Variants in IGSF11 observed in about 807,000 individuals in gnomAD.
The protein encoded by IGSF11 is immunoglobulin superfamily member 11.
In IGSF11, 22 loss-of-function variants were observed where a neutral mutation model predicts 41.0. The observed-to-expected ratio is 0.54, with a 90% CI of 0.38 to 0.77. IGSF11 has a LOEUF of 0.77. IGSF11 is among the 30% of genes least tolerant of loss of function. The pLI, the probability that IGSF11 is intolerant of heterozygous loss-of-function variation, is 0.00. For synonymous variants in IGSF11, 219 were observed against 201.3 expected, an observed-to-expected ratio of 1.09 and a Z score of -0.74; for missense variants, 444 against 530.8, an observed-to-expected ratio of 0.84 and a Z score of 1.61.
intron 1 of IGSF11, among the ~76,000 whole-genome samples, chr3:118,989,882 G>A (rs1002537184): frequency 4.7e-4 from 72 of 152,182 alleles, no homozygotes; most frequent in African/African-American, 1.6e-3. Context: ...ATGGCCTTTC[G>A]GATTTAAGAG....
intron 1 of IGSF11, among the ~76,000 whole-genome samples, chr3:119,047,937 C>A (rs1430712313): frequency 1.3e-5 from 2 of 152,172 alleles, no homozygotes; most frequent in East Asian, 3.8e-4. Context: ...TAAAGATGTT[C>A]TTTGAAACCA....
At chr3:118,913,985 T>A (rs1406454939) in intron 4 of IGSF11, among the ~76,000 whole-genome samples, 6 of 152,086 alleles carry the variant, frequency 3.9e-5, no homozygotes, top group African/African-American at 1.2e-4. Context: ...TGAGACGAAA[T>A]ATTCACAAGG....
At chr3:118,974,640 G>A (rs1559984639) in intron 1 of IGSF11, among the ~76,000 whole-genome samples, 1 of 152,026 alleles carries the variant, frequency 6.6e-6, no homozygotes, top group Non-Finnish European at 1.5e-5. Flanking sequence ...TCCATGACTG[G>A]CTTCCCAAAA....
At chr3:119,041,266 G>A (rs193025994) in intron 1 of IGSF11, among the ~76,000 whole-genome samples, 21 of 152,172 alleles carry the variant, frequency 1.4e-4, no homozygotes, top group Middle Eastern at 3.4e-3. Flanking sequence ...TTAAAAATGA[G>A]AGAGACCTCA....
chr3:118,964,878 T>A (rs1436826590), intron 1 of IGSF11, among the ~76,000 whole-genome samples: 1 of 152,220 alleles, frequency 6.6e-6, no homozygotes, highest in Admixed American at 6.5e-5. Flanking sequence ...CAATAGTTGA[T>A]ATGGTTCAGA....
At chr3:119,109,069 G>A (rs1191254553), upstream of IGSF11, among the ~76,000 whole-genome samples, 1 of 138,450 alleles carries the variant, frequency 7.2e-6, no homozygotes, top group Non-Finnish European at 1.6e-5. Flanking sequence ...TTGTGTCTCT[G>A]CCCGGCTTTG....
chr3:119,118,137 T>C (rs764267275), intron 1 of IGSF11, among the ~76,000 whole-genome samples: 7 of 152,226 alleles, frequency 4.6e-5, no homozygotes, highest in Non-Finnish European at 8.8e-5. Flanking sequence ...GGTGGCCCTC[T>C]TCTCACAGCT....
chr3:119,028,596 G>T lies in IGSF11; in HGVS notation c.52+5935C>A, dbSNP rs184394587. Among the ~76,000 whole-genome samples, 37 of 151,464 alleles carry T rather than the reference G, an allele frequency of 2.4e-4. No homozygotes were observed. In the East Asian group the frequency reaches 7.2e-3, roughly 29 times the overall value. ...AAGCAAAGGCTTCAGAATTCCTTAGGAAAAAATATTTCAAATATTTAGGAT... is the reference window on the plus strand; with the variant it reads ...AAGCAAAGGCTTCAGAATTCCTTAGTAAAAAATATTTCAAATATTTAGGAT... On this transcript the variant is annotated intron_variant, in intron 1 of 6. Coordinates refer to ENST00000393775, the MANE Select transcript of IGSF11 (RefSeq NM_001015887.3).
At chr3:118,953,293 T>C (rs1236570574) in intron 1 of IGSF11, among the ~76,000 whole-genome samples, 4 of 152,208 alleles carry the variant, frequency 2.6e-5, no homozygotes, top group East Asian at 1.9e-4. Flanking sequence ...TATCCACTCG[T>C]TGATTGATGG....
intron 1 of IGSF11, among the ~76,000 whole-genome samples, chr3:119,111,473 AT>A (rs1328354073): frequency 6.6e-6 from 1 of 152,064 alleles, no homozygotes; most frequent in Non-Finnish European, 1.5e-5. Flanking sequence ...TGTATTGGTT[AT>A]TCTAGTCATA....
intron 1 of IGSF11, among the ~76,000 whole-genome samples, chr3:119,003,504 C>A (rs1307367457): frequency 6.6e-6 from 1 of 151,040 alleles, no homozygotes; most frequent in Non-Finnish European, 1.5e-5. Flanking sequence ...GAACTTCCAA[C>A]ACTATGTTGA....
In IGSF11 at chr3:119,098,647, C is replaced by T. The variant is rs957974168; in HGVS notation, c.49+6497G>A. Among the ~76,000 whole-genome samples, 3 of 152,234 alleles carry T rather than the reference C, an allele frequency of 2.0e-5. 1 individual carries two copies. The South Asian group carries it at 6.2e-4, about 32-fold the overall frequency. ...CAATTTGCTTTACTAAACTTAAAAGCCTTTACTACGGATTAGTTTCCACTT... is the reference window on the plus strand; with the variant it reads ...CAATTTGCTTTACTAAACTTAAAAGTCTTTACTACGGATTAGTTTCCACTT... On this transcript the variant is annotated intron_variant, in intron 1 of 6. Transcript: ENST00000354673.
intron 1 of IGSF11, among the ~76,000 whole-genome samples, chr3:118,996,162 T>C (rs1016590620): frequency 2.6e-5 from 4 of 152,256 alleles, no homozygotes; most frequent in Non-Finnish European, 5.9e-5. Context: ...TATCTAAAGA[T>C]ACTTCAAACT....
At chr3:119,134,777 T>C (rs913702747) in intron 1 of IGSF11, among the ~76,000 whole-genome samples, 1 of 152,114 alleles carries the variant, frequency 6.6e-6, no homozygotes, top group African/African-American at 2.4e-5. Flanking sequence ...AGAACAAAGC[T>C]GGAGGCATCA....
chr3:119,040,012 G>C (rs1449800718), intron 1 of IGSF11, among the ~76,000 whole-genome samples: 1 of 152,176 alleles, frequency 6.6e-6, no homozygotes, highest in Non-Finnish European at 1.5e-5. Context: ...TCCCAAAGCA[G>C]ACCTTCTTCT....
chr3:118,973,867 C>G (rs377164243), intron 1 of IGSF11, among the ~76,000 whole-genome samples: 3 of 152,112 alleles, frequency 2.0e-5, no homozygotes, highest in African/African-American at 7.2e-5. Context: ...AACCAAACAC[C>G]GCGTGTTCTC....
In IGSF11 at chr3:119,142,219, G is replaced by A. The variant is rs1248397879; in HGVS notation, c.-14+3594C>T. On this transcript the variant is annotated intron_variant, in intron 1 of 7. Transcript: ENST00000425327. ...GAACCTGGGAGGCGGAGCTTGCACT[G>A]AGCCGAGATCGCGCCACTGCATTCC... Among the ~76,000 whole-genome samples, 4 of 144,894 alleles carry A rather than the reference G, an allele frequency of 2.8e-5. No homozygotes were observed. The Admixed American group carries it at 3.0e-4, about 11-fold the overall frequency.
chr3:119,038,099 AAT>A (rs1940982368), upstream of IGSF11, among the ~76,000 whole-genome samples: 1 of 152,098 alleles, frequency 6.6e-6, no homozygotes, highest in Non-Finnish European at 1.5e-5. Context: ...TTAGAAGTAA[AAT>A]TTTAGAGGAA....
chr3:119,034,539 G>C lies in IGSF11; in HGVS notation c.44C>G (p.Ser15Cys). ...GGGCTGGAGCTACTCACCGTGCAGA[G>C]AGAGGAGCAGCAAAGGCGCCAGAGG... ...RSPLAPLLLL[S>C]LHGVAASLEV... is the part of the protein sequence containing the mutation. Residue 15 changes from serine to cysteine, a missense_variant, in exon 1 of 7, where the codon TCT becomes TGT. By Grantham distance (112) the Ser-to-Cys change is moderately radical (BLOSUM62 -1). Coordinates refer to ENST00000393775, the MANE Select transcript of IGSF11 (RefSeq NM_001015887.3). The C allele has an allele frequency of 6.3e-7, 1 of 1,589,394 alleles. No individual in the cohort carries two copies. The highest frequency in any genetic ancestry group is 8.6e-7 in the Non-Finnish European group (1 of 1,168,892).
Sources: gnomAD v4.1 joint callset for allele counts (sites outside exome capture counted in the v4.1 genomes callset) on GRCh38, gnomAD v4.1.1 for gene constraint, MANE v1.5 for transcripts, NCBI Gene and HGNC (gene_info 2026-07-23, HGNC 2026-07-21) for gene names.